The following NHSL1 variants were observed in gnomAD, a reference collection of about 807,000 sequenced individuals.
The protein encoded by NHSL1 is NHS-like protein 1.
Under a neutral mutation model 95.0 loss-of-function variants are expected in NHSL1, and 48 were observed. That is an observed-to-expected ratio of 0.51 (90% CI 0.40 to 0.64). NHSL1 has a LOEUF of 0.64. NHSL1 is among the 30% of genes least tolerant of loss of function. The pLI, the probability that NHSL1 is intolerant of heterozygous loss-of-function variation, is 0.00. For synonymous variants in NHSL1, 783 were observed against 833.9 expected (o/e 0.94, Z 1.05); for missense variants, 1,971 against 2,077.7 (o/e 0.95, Z 1.00).
intron 1 of NHSL1, among the ~76,000 whole-genome samples, chr6:138,518,357 ACT>A (rs1781538305): frequency 6.8e-6 from 1 of 147,894 alleles, no homozygotes; most frequent in Non-Finnish European, 1.5e-5. Flanking sequence ...CTTTCCATGG[ACT>A]CTCTTTCTGG....
chr6:138,596,204 C>T (rs945816848), intron 1 of NHSL1, among the ~76,000 whole-genome samples: 4 of 152,120 alleles, frequency 2.6e-5, no homozygotes, highest in African/African-American at 9.7e-5. Flanking sequence ...AACCTAGACA[C>T]GCTGCTGAAA....
At chr6:138,550,181 G>A (rs967915979), upstream of NHSL1, among the ~76,000 whole-genome samples, 10 of 152,158 alleles carry the variant, frequency 6.6e-5, no homozygotes, top group Non-Finnish European at 1.5e-4. Flanking sequence ...GGAGGTTGCA[G>A]TGAGCTGGGA....
chr6:138,494,401 T>C (rs1439830847), intron 2 of NHSL1, among the ~76,000 whole-genome samples: 2 of 152,212 alleles, frequency 1.3e-5, no homozygotes, highest in Non-Finnish European at 2.9e-5. Context: ...GCTAATTAAC[T>C]TGGAGATCTT....
At chr6:138,437,920 C>A (rs1481779559) in intron 5 of NHSL1, among the ~76,000 whole-genome samples, 2 of 152,190 alleles carry the variant, frequency 1.3e-5, no homozygotes, top group African/African-American at 4.8e-5. Context: ...CGAGGCATTG[C>A]TTCTTACAGA....
At position 138,430,364 on chromosome 6, in the gene NHSL1, G is replaced by GGA. The variant is rs763612665; in HGVS notation, c.3952+27_3952+28dup. ...CAGCTGCATATGGGCAGAGGGCACA[G>GGA]GAGAGAGAAGCCAGGAAGCCAGACT... is the stretch of plus-strand genomic sequence containing the variant. On this transcript the variant is annotated intron_variant, in intron 6 of 7. Transcript: ENST00000343505. This position sits in a 1 kb window ranked among gnomAD's most constrained non-coding sequence, Gnocchi z 4.7. 2 of 1,449,830 alleles carry GGA rather than the reference G, an allele frequency of 1.4e-6. No homozygotes were observed. The highest frequency in any genetic ancestry group is 5.6e-5 in the Admixed American group (2 of 35,952). The allele number at this position is 1,449,830 out of a possible 1,614,324, so 89.8% of individuals were successfully genotyped here.
intron 1 of NHSL1, among the ~76,000 whole-genome samples, chr6:138,682,947 C>G (rs1785532424): frequency 6.6e-6 from 1 of 152,182 alleles, no homozygotes; most frequent in African/African-American, 2.4e-5. Context: ...CGTCAAGTTC[C>G]GGGTGAAAAC....
At chr6:138,652,928 G>A (rs1211597382) in intron 1 of NHSL1, among the ~76,000 whole-genome samples, 1 of 152,184 alleles carries the variant, frequency 6.6e-6, no homozygotes, top group Non-Finnish European at 1.5e-5. Context: ...GATCGGCACT[G>A]GGATTGAGGT....
At chr6:138,624,815 G>C (rs975857080) in intron 1 of NHSL1, among the ~76,000 whole-genome samples, 1 of 152,084 alleles carries the variant, frequency 6.6e-6, no homozygotes, top group Non-Finnish European at 1.5e-5. Context: ...CAAAAGCTTT[G>C]GTAGACCCTT....
chr6:138,472,385 A>G (rs1338887184), intron 3 of NHSL1, among the ~76,000 whole-genome samples: 2 of 152,148 alleles, frequency 1.3e-5, no homozygotes, highest in Non-Finnish European at 2.9e-5. Context: ...TAGTTGATAC[A>G]ACAGATGCAT....
At chr6:138,664,767 C>T (rs1241084122) in intron 1 of NHSL1, among the ~76,000 whole-genome samples, 3 of 152,196 alleles carry the variant, frequency 2.0e-5, no homozygotes, top group African/African-American at 4.8e-5. Flanking sequence ...ATGCAATTGT[C>T]GGAGCTGGCT....
intron 1 of NHSL1, among the ~76,000 whole-genome samples, chr6:138,615,017 G>A (rs1784560606): frequency 7.3e-6 from 1 of 137,902 alleles, no homozygotes; most frequent in Non-Finnish European, 1.5e-5. Flanking sequence ...AGATCACAAA[G>A]CTGGCAAATG....
At chr6:138,580,582 C>G (rs563476134) in intron 1 of NHSL1, among the ~76,000 whole-genome samples, 1 of 152,266 alleles carries the variant, frequency 6.6e-6, no homozygotes, top group Non-Finnish European at 1.5e-5. Context: ...TGGCCACTTT[C>G]AAGCTACCAA....
chr6:138,629,336 A>G (rs2114652809), intron 1 of NHSL1, among the ~76,000 whole-genome samples: 3 of 152,230 alleles, frequency 2.0e-5, no homozygotes, highest in East Asian at 3.9e-4. Flanking sequence ...GAAAGCACCA[A>G]ATTTATTTGT....
chr6:138,463,212 T>C (rs577727872), intron 3 of NHSL1, among the ~76,000 whole-genome samples: 1 of 152,296 alleles, frequency 6.6e-6, no homozygotes, highest in South Asian at 2.1e-4. Flanking sequence ...GCTTCTGTCT[T>C]CCACTCTCTA....
intron 3 of NHSL1, among the ~76,000 whole-genome samples, chr6:138,460,777 A>G (rs1325118967): frequency 1.3e-5 from 2 of 151,542 alleles, no homozygotes; most frequent in Admixed American, 1.3e-4. Context: ...TTAGCTATGC[A>G]ATAAAGGAAT....
chr6:138,466,196 T>C (rs1424700170), intron 3 of NHSL1, among the ~76,000 whole-genome samples: 6 of 152,176 alleles, frequency 3.9e-5, no homozygotes, highest in Non-Finnish European at 5.9e-5. Flanking sequence ...CCCGCCACCA[T>C]GCCCAGCCAA....
In NHSL1 at chr6:138,430,803, G is replaced by A; in HGVS notation, c.3542C>T (p.Thr1181Ile). 1 of 1,551,318 alleles carries A rather than the reference G, an allele frequency of 6.4e-7. No individual in the cohort carries two copies. Among genetic ancestry groups the A allele is most frequent in the Non-Finnish European group, 8.7e-7 (1 of 1,146,964 alleles). Reference sequence around the variant, plus strand: ...GCTGGGTGAAGAGTCTGGGAGTGGGGTGGTGCTGGGGCTGGGCCGAGCCTC... The same window carrying A: ...GCTGGGTGAAGAGTCTGGGAGTGGGATGGTGCTGGGGCTGGGCCGAGCCTC... ...EAEARPSPST[T>I]PLPDSSPSRK... The change falls in exon 6 of 8, where the codon ACC (threonine) becomes ATC (isoleucine). Residue 1181 changes from threonine to isoleucine, a missense_variant. Transcript: ENST00000343505. The surrounding 1 kb of genome is among the most constrained non-coding windows in gnomAD (Gnocchi z 4.7).
intron 1 of NHSL1, among the ~76,000 whole-genome samples, chr6:138,656,705 A>G (rs1454874649): frequency 2.6e-5 from 4 of 152,184 alleles, no homozygotes; most frequent in African/African-American, 9.7e-5. Flanking sequence ...CTCGTAGGAT[A>G]ATTTGTGGTG....
At chr6:138,584,564 T>C in intron 1 of NHSL1, among the ~76,000 whole-genome samples, 1 of 152,182 alleles carries the variant, frequency 6.6e-6, no homozygotes. Context: ...AGTCTTAAAG[T>C]AATGAACTTA....
Sources: allele counts gnomAD v4.1 joint callset (sites outside exome capture counted in the v4.1 genomes callset), GRCh38; gene constraint gnomAD v4.1.1; non-coding constraint Gnocchi (gnomAD v3.1); transcripts MANE v1.5; gene names NCBI Gene and HGNC (gene_info 2026-07-23, HGNC 2026-07-21).